Variants in FBXO4 observed in about 807,000 individuals in gnomAD.
FBXO4 encodes the protein F-box protein 4.
Under a neutral mutation model 43.7 loss-of-function variants are expected in FBXO4, and 36 were observed. The ratio of observed to expected loss-of-function variants is 0.82; its 90% confidence interval spans 0.63 to 1.09. The LOEUF (loss-of-function observed/expected upper bound fraction) is 1.09. Ranked by LOEUF, FBXO4 falls within the 50% of genes least tolerant of loss-of-function variation. The pLI, the probability that FBXO4 is intolerant of heterozygous loss-of-function variation, is 0.00. For synonymous variants in FBXO4, 180 were observed against 165.6 expected (o/e 1.09, Z -0.67); for missense variants, 435 against 474.1 (o/e 0.92, Z 0.77).
At chr5:41,988,589 A>T in the FBXO4 span, among the ~76,000 whole-genome samples, 1 of 152,088 alleles carries the variant, frequency 6.6e-6, no homozygotes, top group South Asian at 2.1e-4. Context: ...CATCAACTAC[A>T]GTTTAGGTTT....
the FBXO4 span, among the ~76,000 whole-genome samples, chr5:41,981,004 T>C: frequency 1.3e-5 from 2 of 152,090 alleles, no homozygotes; most frequent in African/African-American, 4.8e-5. Flanking sequence ...CTATACAGTT[T>C]CAAATACTAA....
chr5:42,020,714 C>G, the FBXO4 span, among the ~76,000 whole-genome samples: 1 of 152,148 alleles, frequency 6.6e-6, no homozygotes, highest in African/African-American at 2.4e-5. Context: ...GAAACCACAG[C>G]CAACTTCAAC....
At chr5:41,975,471 G>T in the FBXO4 span, among the ~76,000 whole-genome samples, 1 of 152,196 alleles carries the variant, frequency 6.6e-6, no homozygotes, top group Admixed American at 6.5e-5. Context: ...TCAATAGAAA[G>T]AATATTGTGT....
the FBXO4 span, among the ~76,000 whole-genome samples, chr5:42,005,434 A>G: frequency 3.3e-5 from 5 of 152,222 alleles, no homozygotes; most frequent in South Asian, 1.0e-3. Context: ...ACATTTACAA[A>G]CCATTTTCAG....
At chr5:41,963,538 TGTAAACA>T in the FBXO4 span, among the ~76,000 whole-genome samples, 1 of 152,200 alleles carries the variant, frequency 6.6e-6, no homozygotes, top group African/African-American at 2.4e-5. Flanking sequence ...TTACTGATAA[TGTAAACA>T]GTCAATTAAC....
the FBXO4 span, among the ~76,000 whole-genome samples, chr5:42,017,675 A>G: frequency 6.6e-6 from 1 of 151,554 alleles, no homozygotes; most frequent in Non-Finnish European, 1.5e-5. Context: ...CCCACTTATA[A>G]GTGAGAACAT....
At chr5:41,941,170 A>C (rs1751995031) in intron 6 of FBXO4, 22 bp from the exon 7 acceptor site, 1 of 1,600,580 alleles carries the variant, frequency 6.2e-7, no homozygotes, top group Admixed American at 1.7e-5. Flanking sequence ...TACTAACAAC[A>C]TTCTCTCTTA....
chr5:42,038,073 T>A, the FBXO4 span, among the ~76,000 whole-genome samples: 1 of 152,108 alleles, frequency 6.6e-6, no homozygotes, highest in South Asian at 2.1e-4. Context: ...CTTGACGGTG[T>A]GCCCGTTAAA....
the FBXO4 span, among the ~76,000 whole-genome samples, chr5:41,982,527 A>C: frequency 6.6e-6 from 1 of 152,052 alleles, no homozygotes; most frequent in Non-Finnish European, 1.5e-5. Flanking sequence ...TATCTGTATC[A>C]CTTCTGTTGG....
chr5:41,933,572 T>C (rs565033584), intron 3 of FBXO4, among the ~76,000 whole-genome samples: 21 of 152,280 alleles, frequency 1.4e-4, no homozygotes, highest in African/African-American at 5.1e-4. Flanking sequence ...CTTAATTGAA[T>C]GTATACATTG....
chr5:41,949,449 G>A, the FBXO4 span, among the ~76,000 whole-genome samples: 1 of 152,254 alleles, frequency 6.6e-6, no homozygotes, highest in East Asian at 1.9e-4. Flanking sequence ...AATCATGAGT[G>A]AACTCCCATT....
At chr5:42,016,626 A>G in the FBXO4 span, among the ~76,000 whole-genome samples, 1 of 152,050 alleles carries the variant, frequency 6.6e-6, no homozygotes, top group African/African-American at 2.4e-5. Context: ...GCAACTTGTT[A>G]AAATGTTACT....
At chr5:42,015,266 G>A in the FBXO4 span, among the ~76,000 whole-genome samples, 1 of 152,324 alleles carries the variant, frequency 6.6e-6, no homozygotes, top group African/African-American at 2.4e-5. Flanking sequence ...ATACTGTTGA[G>A]ATTTTGTGTG....
the FBXO4 span, among the ~76,000 whole-genome samples, chr5:42,036,733 A>G: frequency 6.6e-6 from 1 of 152,118 alleles, no homozygotes; most frequent in Non-Finnish European, 1.5e-5. Flanking sequence ...GAAGGGTTAG[A>G]GAAGAGACAG....
chr5:42,031,028 AC>A, the FBXO4 span, among the ~76,000 whole-genome samples: 1 of 152,196 alleles, frequency 6.6e-6, no homozygotes, highest in Non-Finnish European at 1.5e-5. Flanking sequence ...AACTAGTTCA[AC>A]CATTGTGGAA....
At chr5:41,957,443 A>G in the FBXO4 span, among the ~76,000 whole-genome samples, 1 of 144,384 alleles carries the variant, frequency 6.9e-6, no homozygotes, top group Admixed American at 6.9e-5. Context: ...CTATAATTAT[A>G]TAATTATATT....
At chr5:41,976,355 A>T in the FBXO4 span, among the ~76,000 whole-genome samples, 2 of 152,198 alleles carry the variant, frequency 1.3e-5, no homozygotes, top group East Asian at 1.9e-4. Context: ...CCAAAGTTTC[A>T]TCTGAGACTC....
the FBXO4 span, among the ~76,000 whole-genome samples, chr5:42,024,019 C>A: frequency 6.6e-6 from 1 of 151,940 alleles, no homozygotes; most frequent in African/African-American, 2.4e-5. Flanking sequence ...TAGGTTGTGA[C>A]CTTACTGGTC....
rs1751996682 is a variant in FBXO4, at chr5:41,941,204, G to C, written c.1087G>C (p.Glu363Gln). The change falls in exon 7 of 7, where the codon GAG (glutamate) becomes CAG (glutamine). Residue 363 changes from glutamate (E) to glutamine (Q), a missense_variant. Physicochemically the swap from Glu to Gln is conservative, Grantham distance 29 (BLOSUM62 2). Coordinates refer to ENST00000281623, the MANE Select transcript of FBXO4 (RefSeq NM_012176.3). The stretch of plus-strand genomic sequence containing the variant: ...TATGTATTCCGAGGTCCAGGATACA[G>C]AGGCTGAAACTCTGACTGGTTTTTT... ...LNHPWLVQDT[E>Q]AETLTGFLNG... The C allele has an allele frequency of 1.2e-6, 2 of 1,613,676 alleles. No individual in the cohort carries two copies. The highest frequency in any genetic ancestry group is 2.2e-5 in the South Asian group (2 of 91,064).
Sources: gnomAD v4.1 joint callset for allele counts (sites outside exome capture counted in the v4.1 genomes callset) on GRCh38, gnomAD v4.1.1 for gene constraint, MANE v1.5 for transcripts, NCBI Gene and HGNC (gene_info 2026-07-23, HGNC 2026-07-21) for gene names.